The following MAGI1 variants were observed in gnomAD, a reference collection of about 807,000 sequenced individuals.
MAGI1 encodes the protein membrane associated guanylate kinase, WW and PDZ domain containing 1.
A neutral mutation model predicts 139.9 loss-of-function variants in MAGI1; 58 were observed. The ratio of observed to expected loss-of-function variants is 0.41; its 90% CI spans 0.34 to 0.52. MAGI1 has a LOEUF of 0.52. Among genes scored for constraint, MAGI1 ranks in the 20% least tolerant of loss-of-function variants. The pLI is 0.12. For synonymous variants in MAGI1, 812 were observed against 737.9 expected (o/e 1.10, Z -1.63); for missense variants, 1,874 against 1,901.6 (o/e 0.99, Z 0.27).
intron 1 of MAGI1, among the ~76,000 whole-genome samples, chr3:65,995,178 G>C (rs960284558): frequency 1.3e-5 from 2 of 152,012 alleles, no homozygotes; most frequent in African/African-American, 4.8e-5. Flanking sequence ...GAGTCACTCA[G>C]CCTTGGCTTC....
At chr3:65,701,970 T>C (rs537800994) in intron 1 of MAGI1, among the ~76,000 whole-genome samples, 14 of 152,316 alleles carry the variant, frequency 9.2e-5, no homozygotes, top group African/African-American at 3.1e-4. Flanking sequence ...AATGCCTGCA[T>C]ATATTCCCCG....
In MAGI1 at chr3:65,470,403, A is replaced by G. The variant is rs1290707475; in HGVS notation, c.839T>C (p.Ile280Thr). 1.2e-6 allele frequency: 2 copies of G among 1,613,826 alleles called. No homozygotes were observed. Reference protein sequence around the residue: ...PVNSSIIAAPITDPSQKFPQY... With the variant: ...PVNSSIIAAPTTDPSQKFPQY... Reference sequence around the variant, plus strand: ...AGGGAACTTCTGAGAAGGGTCCGTGATGGGAGCAGCGATGATGCTACTATT... The same window carrying G: ...AGGGAACTTCTGAGAAGGGTCCGTGGTGGGAGCAGCGATGATGCTACTATT... Residue 280 changes from isoleucine (I) to threonine (T), a missense_variant, in exon 5 of 23, where the codon ATC becomes ACC. By Grantham distance (89) the Ile-to-Thr change is moderately conservative. Transcript: ENST00000402939.
chr3:65,817,911 C>T (rs185331402), intron 1 of MAGI1, among the ~76,000 whole-genome samples: 1 of 152,112 alleles, frequency 6.6e-6, no homozygotes, highest in Non-Finnish European at 1.5e-5. Context: ...ATTTGGACTA[C>T]GATAATGGCT....
intron 1 of MAGI1, among the ~76,000 whole-genome samples, chr3:65,979,873 T>G (rs931555727): frequency 1.3e-5 from 2 of 152,160 alleles, no homozygotes; most frequent in African/African-American, 2.4e-5. Flanking sequence ...CTCAGCAATA[T>G]TCCAATATTA....
At chr3:65,367,510 T>G (rs1356582502) in intron 18 of MAGI1, among the ~76,000 whole-genome samples, 3 of 152,192 alleles carry the variant, frequency 2.0e-5, no homozygotes, top group Non-Finnish European at 4.4e-5. Flanking sequence ...TTTCCTCATT[T>G]GTTGTTTATC....
chr3:66,038,034 C>T lies in MAGI1; in HGVS notation c.275G>A (p.Ser92Asn), dbSNP rs759742640. ...CTTGAAGGTGACGGCCTCCTTGCAG[C>T]TGTCGATGACCCCCAGCACGTCATA... ...PRYDVLGVIDSCKEAVTFKAV... is the reference protein window; with the variant it reads ...PRYDVLGVIDNCKEAVTFKAV... Residue 92 changes from serine to asparagine, a missense_variant, in exon 1 of 23, where the codon AGC becomes AAC. By Grantham distance (46) the Ser-to-Asn change is conservative (BLOSUM62 1). Around this residue, in one of 5 missense-constraint regions of MAGI1, gnomAD observed 648 missense variants for 598.1 expected, o/e 1.08. Transcript: ENST00000402939. 2.5e-6 allele frequency: 4 copies of T among 1,605,384 alleles called. No individual in the cohort carries two copies. The highest frequency in any genetic ancestry group is 2.7e-5 in the African/African-American group (2 of 74,740).
intron 1 of MAGI1, among the ~76,000 whole-genome samples, chr3:65,786,336 C>T (rs550988181): frequency 7.2e-6 from 1 of 138,640 alleles, no homozygotes; most frequent in Non-Finnish European, 1.5e-5. Flanking sequence ...CCACACCAAA[C>T]TGAAGTGTCA....
In MAGI1 at chr3:65,364,704, C is replaced by G; in HGVS notation, c.3312G>C (p.Gln1104His). ...QETRNTTKPKQESQFEFKAPQ... is the reference protein window; with the variant it reads ...QETRNTTKPKHESQFEFKAPQ... ...GTGCTTTGAACTCAAATTGAGATTC[C>G]TGCTTTGGTTTGGTGGTATTCCTGC... The change falls in exon 20 of 23, where the codon CAG becomes CAC. Residue 1104 changes from glutamine to histidine, a missense_variant. Physicochemically the swap from Gln to His is conservative, Grantham distance 24 (BLOSUM62 0). Transcript: ENST00000402939. 2.5e-6 allele frequency: 4 copies of G among 1,614,100 alleles called. No homozygotes were observed. The highest frequency in any genetic ancestry group is 3.4e-6 in the Non-Finnish European group (4 of 1,179,962).
At chr3:65,823,986 C>T (rs1051806860) in intron 1 of MAGI1, among the ~76,000 whole-genome samples, 2 of 152,150 alleles carry the variant, frequency 1.3e-5, no homozygotes, top group African/African-American at 4.8e-5. Context: ...TTAAACTGTG[C>T]CTCTGTGTCC....
intron 1 of MAGI1, among the ~76,000 whole-genome samples, chr3:66,027,385 C>G (rs1166630954): frequency 6.6e-6 from 1 of 152,140 alleles, no homozygotes; most frequent in East Asian, 1.9e-4. Flanking sequence ...CTCACTGCAG[C>G]CTCGGACTCC....
intron 1 of MAGI1, among the ~76,000 whole-genome samples, chr3:65,917,116 T>C (rs1263607385): frequency 6.6e-6 from 1 of 152,212 alleles, no homozygotes. Flanking sequence ...GAGAAACATC[T>C]AGAAAGATAC....
At chr3:65,454,692 T>C (rs1949275548) in intron 5 of MAGI1, among the ~76,000 whole-genome samples, 1 of 151,128 alleles carries the variant, frequency 6.6e-6, no homozygotes, top group African/African-American at 2.4e-5. Flanking sequence ...TTGCCAAAGT[T>C]TTTTATTTTT....
intron 22 of MAGI1, 65 bp downstream of exon 22, chr3:65,361,134 G>T: frequency 6.2e-7 from 1 of 1,613,776 alleles, no homozygotes; most frequent in Non-Finnish European, 8.5e-7. Context: ...TCCTGCTGCC[G>T]TTCTGGAGAC....
chr3:65,608,435 C>CA lies in MAGI1; in HGVS notation c.430+13536dup, dbSNP rs1296533491. On this transcript the variant is annotated intron_variant, in intron 2 of 22. Transcript: ENST00000402939. ...GGGCAACAAGAGTGAAACTCCATCT[C>CA]AAAAAAAAACAAAAACAAAAAACGG... is the stretch of plus-strand genomic sequence containing the variant. Among the ~76,000 whole-genome samples, 475 of 146,204 alleles carry CA rather than the reference C, an allele frequency of 3.2e-3. 1 individual carries two copies. Among genetic ancestry groups the CA allele is most frequent in the African/African-American group, 0.011 (445 of 39,672 alleles).
intron 1 of MAGI1, among the ~76,000 whole-genome samples, chr3:66,000,097 C>T (rs1458266666): frequency 5.9e-5 from 9 of 151,570 alleles, no homozygotes; most frequent in South Asian, 2.1e-4. Context: ...CTCAGCCTCC[C>T]GAGCAGCTGG....
intron 2 of MAGI1, among the ~76,000 whole-genome samples, chr3:65,599,733 T>A (rs1232398872): frequency 6.6e-6 from 1 of 152,194 alleles, no homozygotes; most frequent in Non-Finnish European, 1.5e-5. Flanking sequence ...AATGAAAGTG[T>A]TCATCTTCTA....
At chr3:65,905,682 T>C (rs559683028) in intron 1 of MAGI1, among the ~76,000 whole-genome samples, 4 of 152,122 alleles carry the variant, frequency 2.6e-5, no homozygotes, top group Admixed American at 6.5e-5. Context: ...TATACCATTG[T>C]GCACAGGTTA....
chr3:65,618,264 G>A (rs1343620621), intron 2 of MAGI1, among the ~76,000 whole-genome samples: 3 of 152,292 alleles, frequency 2.0e-5, no homozygotes, highest in Admixed American at 2.0e-4. Context: ...ATATTAGCCA[G>A]ATGGTTCTGA....
intron 1 of MAGI1, among the ~76,000 whole-genome samples, chr3:65,837,930 T>G (rs1176021123): frequency 6.6e-6 from 1 of 152,142 alleles, no homozygotes; most frequent in Non-Finnish European, 1.5e-5. Flanking sequence ...AGATTTTAGG[T>G]TTACAGAAAG....
Sources: gnomAD v4.1 joint callset for allele counts (sites outside exome capture counted in the v4.1 genomes callset) on GRCh38, gnomAD v4.1.1 for gene constraint, gnomAD v4.1.1 regional missense constraint, MANE v1.5 for transcripts, NCBI Gene and HGNC (gene_info 2026-07-23, HGNC 2026-07-21) for gene names.